The following STON1 variants were observed in gnomAD, a reference collection of about 807,000 sequenced individuals.
STON1 encodes stonin 1.
A neutral mutation model predicts 60.9 loss-of-function variants in STON1; 79 were observed. That is an observed-to-expected ratio of 1.30 (90% CI 1.08 to 1.56). The LOEUF (loss-of-function observed/expected upper bound fraction) is 1.56, where lower values mean the gene tolerates loss of function less well. STON1 is among the 40% of genes most tolerant of loss of function. The pLI is 0.00. For missense variants in STON1, 1,166 were observed against 858.9 expected, an observed-to-expected ratio of 1.36 and a Z score of -4.47; for synonymous variants, 363 against 306.9, an observed-to-expected ratio of 1.18 and a Z score of -1.91.
At chr2:48,573,596 G>A (rs115867743) in intron 1 of STON1, among the ~76,000 whole-genome samples, 175 of 152,300 alleles carry the variant, frequency 1.1e-3, no homozygotes, top group African/African-American at 4.0e-3. Context: ...ACTGCCTCTG[G>A]TGTCATTAGA....
intron 1 of STON1, among the ~76,000 whole-genome samples, chr2:48,559,431 C>T (rs571618025): frequency 1.2e-4 from 18 of 152,250 alleles, no homozygotes; most frequent in African/African-American, 3.4e-4. Flanking sequence ...GACAAACAAG[C>T]TCTCTGGGGC....
chr2:48,590,379 T>G (rs983497361), intron 2 of STON1, among the ~76,000 whole-genome samples: 3 of 152,198 alleles, frequency 2.0e-5, no homozygotes, highest in Admixed American at 6.6e-5. Context: ...TAATTTATCT[T>G]TTAAGAATTA....
rs145689585 is a variant in STON1 at position 48,580,619 on chromosome 2, A to G, written c.-15A>G. 1.9e-3 allele frequency: 2,575 copies of G among 1,340,392 alleles called. 4 individuals are homozygous for G. Among genetic ancestry groups the G allele is most frequent in the Admixed American group, 3.9e-3 (129 of 33,194 alleles). 83.0% of individuals were successfully genotyped at this position (1,340,392 alleles called of 1,614,324 possible). A position where few individuals can be genotyped will look rare whatever the true frequency, so the allele number is the denominator to read the frequency against. ...CTATTTGATTTCTTGACAAGACCAC[A>G]ATCTGATCCCAAAGATGTGCTCCAC... On this transcript the variant is annotated 5_prime_UTR_variant, in exon 2 of 4. Transcript: ENST00000404752.
chr2:48,534,612 G>A (rs1554611), intron 1 of STON1, among the ~76,000 whole-genome samples: 144,547 of 152,228 alleles, frequency 0.95, 68,692 homozygotes, highest in East Asian at 1. Flanking sequence ...TGAGCCCAGG[G>A]GTTGAAGACT....
chr2:48,590,271 C>T (rs571419172), intron 2 of STON1, among the ~76,000 whole-genome samples: 6 of 152,244 alleles, frequency 3.9e-5, no homozygotes, highest in Admixed American at 2.6e-4. Flanking sequence ...GGCTAATGAG[C>T]ATCTGTTGGT....
chr2:48,561,468 C>G (rs752902295), intron 1 of STON1, among the ~76,000 whole-genome samples: 1 of 152,174 alleles, frequency 6.6e-6, no homozygotes, highest in African/African-American at 2.4e-5. Flanking sequence ...ATTGTGCGAA[C>G]CTCAGGAAAA....
In STON1 at chr2:48,595,977, A is replaced by G. The variant is rs1206839750; in HGVS notation, c.*675A>G. On this transcript the variant is annotated 3_prime_UTR_variant, in exon 4 of 4. Coordinates refer to ENST00000404752, the MANE Select transcript of STON1 (RefSeq NM_006873.4). ...AAAGAAGCTATTTCTGTTGTCCTAC[A>G]TATTTTAGTATAAATCACTAAGACA... 2 of 152,212 alleles carry G rather than the reference A, an allele frequency of 1.3e-5. No individual in the cohort carries two copies. Among genetic ancestry groups the G allele is most frequent in the African/African-American group, 2.4e-5 (1 of 41,452 alleles). 9.4% of individuals were successfully genotyped at this position (152,212 alleles called of 1,614,324 possible). A position where few individuals can be genotyped will look rare whatever the true frequency, so the allele number is the denominator to read the frequency against.
At chr2:48,580,453 TG>T in intron 1 of STON1, 133 bp from the exon 2 acceptor site, 1 of 863,968 alleles carries the variant, frequency 1.2e-6, no homozygotes, top group Non-Finnish European at 1.5e-6. Context: ...AGTTGGATCA[TG>T]TTTTTTTTTT....
chr2:48,570,032 A>C (rs1673120948), intron 1 of STON1, among the ~76,000 whole-genome samples: 1 of 152,218 alleles, frequency 6.6e-6, no homozygotes, highest in Non-Finnish European at 1.5e-5. Flanking sequence ...TAATCTCCGT[A>C]ATACTCTTAC....
chr2:48,577,544 G>A (rs2103897296), intron 1 of STON1, among the ~76,000 whole-genome samples: 1 of 150,838 alleles, frequency 6.6e-6, no homozygotes, highest in African/African-American at 2.4e-5. Flanking sequence ...TCGGGCCACT[G>A]CATTCCAGCC....
chr2:48,540,975 A>C (rs1264666484), intron 1 of STON1, among the ~76,000 whole-genome samples: 1 of 152,212 alleles, frequency 6.6e-6, no homozygotes, highest in African/African-American at 2.4e-5. Flanking sequence ...TCCTATACAG[A>C]GGGATATTTC....
In STON1 at chr2:48,598,051, A is replaced by C. The variant is rs144595243; in HGVS notation, c.*2749A>C. 3.9e-5 allele frequency: 6 copies of C among 152,316 alleles called. No individual in the cohort carries two copies. Among genetic ancestry groups the C allele is most frequent in the African/African-American group, 1.4e-4 (6 of 41,556 alleles). 9.4% of individuals were successfully genotyped at this position (152,316 alleles called of 1,614,324 possible). On this transcript the variant is annotated 3_prime_UTR_variant, in exon 4 of 4. Transcript: ENST00000404752. ...TTGGAGTCAAATGAGCAGACTTCCA[A>C]GGAGTTGACCAGTTTGTGACTAGTC...
intron 1 of STON1, among the ~76,000 whole-genome samples, chr2:48,562,205 C>G (rs1039880518): frequency 6.6e-6 from 1 of 152,226 alleles, no homozygotes; most frequent in African/African-American, 2.4e-5. Context: ...GTTTTGACAT[C>G]TGCAGGTGCT....
chr2:48,580,275 CCTT>C (rs1386955919), intron 1 of STON1, among the ~76,000 whole-genome samples: 1 of 152,098 alleles, frequency 6.6e-6, no homozygotes, highest in African/African-American at 2.4e-5. Flanking sequence ...TATATTATGT[CCTT>C]CTTTGTCTCC....
chr2:48,536,767 C>T lies in STON1; in HGVS notation c.-48+6551C>T, dbSNP rs192054991. On this transcript the variant is annotated intron_variant, in intron 1 of 3. Transcript: ENST00000404752. Reference sequence around the variant, plus strand: ...CATTCAATTAATACTGACATCTTTACAGTGCTGGCTTTTCCTATCTTCTCC... The same window carrying T: ...CATTCAATTAATACTGACATCTTTATAGTGCTGGCTTTTCCTATCTTCTCC... Among the ~76,000 whole-genome samples the T allele has an allele frequency of 7.2e-5, 11 of 152,248 alleles. No homozygotes were observed. In the South Asian group the frequency reaches 1.5e-3, roughly 20 times the overall value.
At chr2:48,555,277 C>A (rs1486518554) in intron 1 of STON1, among the ~76,000 whole-genome samples, 1 of 101,664 alleles carries the variant, frequency 9.8e-6, no homozygotes, top group Non-Finnish European at 2.1e-5. Context: ...TGGGCAGAGG[C>A]GCCCCTCACC....
At position 48,554,740 on chromosome 2, in the gene STON1, T is replaced by G. The variant is rs1352709595; in HGVS notation, c.-48+24524T>G. Among the ~76,000 whole-genome samples the G allele has an allele frequency of 2.5e-5, 3 of 122,254 alleles. 1 individual carries two copies. The highest frequency in any genetic ancestry group is 5.3e-5 in the Non-Finnish European group (3 of 56,746). 80.2% of individuals were successfully genotyped at this position (122,254 alleles called of 152,430 possible). On this transcript the variant is annotated intron_variant, in intron 1 of 3. Transcript: ENST00000404752. ...TTTTTTTTTTTATTTATTTATTTAT[T>G]TTTTTATTGATAATTCTTGGGTGTT... is the stretch of plus-strand genomic sequence containing the variant.
At chr2:48,569,242 G>C (rs1337742430) in intron 1 of STON1, among the ~76,000 whole-genome samples, 1 of 152,216 alleles carries the variant, frequency 6.6e-6, no homozygotes, top group Admixed American at 6.5e-5. Context: ...ATGTTTGTTA[G>C]TGTGGTTAAT....
chr2:48,559,375 G>T (rs975363120), intron 1 of STON1, among the ~76,000 whole-genome samples: 1 of 152,170 alleles, frequency 6.6e-6, no homozygotes, highest in African/African-American at 2.4e-5. Flanking sequence ...CTGAGGTCCT[G>T]TTCCTCACAG....
Sources: gnomAD v4.1 joint callset for allele counts (sites outside exome capture counted in the v4.1 genomes callset) on GRCh38, gnomAD v4.1.1 for gene constraint, MANE v1.5 for transcripts, NCBI Gene and HGNC (gene_info 2026-07-23, HGNC 2026-07-21) for gene names.